The following ACAD11 variants were observed in gnomAD, a reference collection of about 807,000 sequenced individuals.
ACAD11 encodes the protein acyl-Coenzyme A dehydrogenase family, member 11.
A neutral mutation model predicts 102.2 loss-of-function variants in ACAD11; 83 were observed. The ratio of observed to expected loss-of-function variants is 0.81; its 90% CI spans 0.68 to 0.97. ACAD11 has a LOEUF of 0.97. Among genes scored for constraint, ACAD11 ranks in the 50% least tolerant of loss-of-function variants. The pLI, the probability that ACAD11 is intolerant of heterozygous loss-of-function variation, is 0.00. For synonymous variants in ACAD11, 324 were observed against 319.8 expected (o/e 1.01, Z -0.14); for missense variants, 901 against 951.7 (o/e 0.95, Z 0.70).
chr3:132,644,894 G>A lies in ACAD11; in HGVS notation c.152C>T (p.Ala51Val). Reference protein sequence around the residue: ...EATLTIAQYRAGKSNPTFYLQ... With the variant: ...EATLTIAQYRVGKSNPTFYLQ... ...ATAAAAGGTTGGATTGGACTTTCCT[G>A]CTCTAGATAAAAGTAAAAAAAAAAA... The change falls in exon 2 of 20, where the codon GCA becomes GTA. Residue 51 changes from alanine to valine, a missense_variant and splice_region_variant. Transcript: ENST00000264990. 1 of 1,588,326 alleles carries A rather than the reference G, an allele frequency of 6.3e-7. No individual in the cohort carries two copies. Among genetic ancestry groups the A allele is most frequent in the Non-Finnish European group, 8.6e-7 (1 of 1,166,328 alleles).
intron 11 of ACAD11, among the ~76,000 whole-genome samples, chr3:132,614,295 A>T (rs912010714): frequency 1.2e-4 from 18 of 152,220 alleles, no homozygotes; most frequent in African/African-American, 4.3e-4. Context: ...GCTACCATTG[A>T]CTTTCTTCAC....
chr3:132,632,773 C>G (rs539603729), intron 5 of ACAD11, among the ~76,000 whole-genome samples: 1 of 152,240 alleles, frequency 6.6e-6, no homozygotes, highest in Non-Finnish European at 1.5e-5. Flanking sequence ...GTTTGTAGTT[C>G]TCCTTGAAGA....
chr3:132,567,425 G>A (rs1262363813), intron 17 of ACAD11, among the ~76,000 whole-genome samples: 2 of 152,018 alleles, frequency 1.3e-5, no homozygotes, highest in Non-Finnish European at 2.9e-5. Context: ...AGATAAACAT[G>A]TATATATAAT....
At chr3:132,560,719 A>G (rs184897815) in intron 18 of ACAD11, among the ~76,000 whole-genome samples, 5 of 152,146 alleles carry the variant, frequency 3.3e-5, no homozygotes, top group Admixed American at 2.6e-4. Context: ...TGCACATTCT[A>G]TGTACATCAT....
chr3:132,579,394 T>C (rs974880677), intron 14 of ACAD11, 98 bp downstream of exon 14: 18 of 960,844 alleles, frequency 1.9e-5, no homozygotes, highest in Non-Finnish European at 2.9e-5. Context: ...TACATTATGA[T>C]TTGTGAGTCC....
intron 1 of ACAD11, chr3:132,647,102 AAAAC>A (rs1211504050): frequency 1.3e-5 from 2 of 152,240 alleles, no homozygotes; most frequent in East Asian, 1.9e-4. Context: ...GAATTTCTCA[AAAAC>A]AAACAAAAAC....
intron 1 of ACAD11, among the ~76,000 whole-genome samples, chr3:132,645,419 AG>A: frequency 6.6e-6 from 1 of 152,308 alleles, no homozygotes; most frequent in Non-Finnish European, 1.5e-5. Context: ...CATCTGGCCC[AG>A]GGAAGTGCAA....
chr3:132,559,227 G>T, intron 19 of ACAD11, 142 bp from the exon 20 acceptor site: 1 of 676,566 alleles, frequency 1.5e-6, no homozygotes, highest in Non-Finnish European at 2.5e-6. Context: ...AGGGTACCAG[G>T]AAAATAAGCT....
intron 9 of ACAD11, among the ~76,000 whole-genome samples, chr3:132,624,371 C>G (rs1037458041): frequency 6.6e-6 from 1 of 150,928 alleles, no homozygotes; most frequent in African/African-American, 2.4e-5. Context: ...CTTTGGGAGG[C>G]TGAGGTGCGC....
chr3:132,590,721 T>A (rs556062727), intron 13 of ACAD11, among the ~76,000 whole-genome samples: 1 of 152,360 alleles, frequency 6.6e-6, no homozygotes, highest in Non-Finnish European at 1.5e-5. Flanking sequence ...TGAGATGGTA[T>A]CTCATTGTGA....
At chr3:132,584,694 G>T (rs918285739) in intron 13 of ACAD11, among the ~76,000 whole-genome samples, 1 of 152,038 alleles carries the variant, frequency 6.6e-6, no homozygotes, top group African/African-American at 2.4e-5. Context: ...GCAGTGGCTG[G>T]TACCACTTTT....
chr3:132,634,625 T>C (rs2107872230), intron 5 of ACAD11, among the ~76,000 whole-genome samples: 1 of 152,296 alleles, frequency 6.6e-6, no homozygotes. Context: ...ATTGCGGCAC[T>C]ACTCACAATA....
intron 13 of ACAD11, chr3:132,601,054 C>A: frequency 6.2e-7 from 1 of 1,613,962 alleles, no homozygotes; most frequent in Non-Finnish European, 8.5e-7. Flanking sequence ...TGGGGGTGTG[C>A]TACTTTATCA....
At chr3:132,617,173 G>GTAGTA (rs1939440499) in intron 11 of ACAD11, among the ~76,000 whole-genome samples, 1 of 152,140 alleles carries the variant, frequency 6.6e-6, no homozygotes, top group Non-Finnish European at 1.5e-5. Context: ...CAAATCAAGT[G>GTAGTA]CTAGTCCTTG....
chr3:132,573,114 G>A (rs1316681737), intron 17 of ACAD11, among the ~76,000 whole-genome samples: 1 of 152,042 alleles, frequency 6.6e-6, no homozygotes, highest in Middle Eastern at 3.2e-3. Flanking sequence ...GGTGTGTGTT[G>A]TTCCCCTCCC....
At chr3:132,568,732 A>C (rs1021136073) in intron 17 of ACAD11, among the ~76,000 whole-genome samples, 1 of 151,810 alleles carries the variant, frequency 6.6e-6, no homozygotes, top group African/African-American at 2.4e-5. Context: ...AGAAAGGCAC[A>C]AAAACAATTC....
intron 13 of ACAD11, among the ~76,000 whole-genome samples, chr3:132,593,427 C>G (rs1938165690): frequency 6.6e-6 from 1 of 152,122 alleles, no homozygotes; most frequent in East Asian, 1.9e-4. Context: ...TGAAAACATT[C>G]AAAAGCAGTT....
At chr3:132,626,633 C>T (rs901772218) in intron 9 of ACAD11, 58 bp downstream of exon 9, 1 of 1,594,906 alleles carries the variant, frequency 6.3e-7, no homozygotes, top group African/African-American at 1.3e-5. Context: ...GCAGAAATAA[C>T]AAAAGTATTC....
intron 18 of ACAD11, 29 bp downstream of exon 18, chr3:132,561,072 G>C: frequency 6.5e-7 from 1 of 1,542,800 alleles, no homozygotes; most frequent in South Asian, 1.1e-5. Flanking sequence ...CTCAGCAGTT[G>C]GTGGTCTGAG....
Sources: allele counts gnomAD v4.1 joint callset (sites outside exome capture counted in the v4.1 genomes callset), GRCh38; gene constraint gnomAD v4.1.1; transcripts MANE v1.5; gene names NCBI Gene and HGNC (gene_info 2026-07-23, HGNC 2026-07-21).